APBB2: variants seen among roughly 807,000 people sequenced by gnomAD.
The protein encoded by APBB2 is Fe65-like 1.
Under a neutral mutation model 82.5 loss-of-function variants are expected in APBB2, and 38 were observed. The ratio of observed to expected loss-of-function variants is 0.46; its 90% CI spans 0.36 to 0.60. The LOEUF is 0.60. Ranked by LOEUF, APBB2 falls within the 20% of genes least tolerant of loss-of-function variation. The pLI, the probability that APBB2 is intolerant of heterozygous loss-of-function variation, is 0.00. For synonymous variants in APBB2, 341 were observed against 368.2 expected, an observed-to-expected ratio of 0.93 and a Z score of 0.85; for missense variants, 772 against 972.3, an observed-to-expected ratio of 0.79 and a Z score of 2.74.
intron 6 of APBB2, among the ~76,000 whole-genome samples, chr4:40,953,800 G>A (rs1790868918): frequency 6.6e-6 from 1 of 152,208 alleles, no homozygotes; most frequent in South Asian, 2.1e-4. Context: ...CAGGGGACAG[G>A]TCAAGAGTGG....
At chr4:40,938,858 G>A (rs907116759) in intron 7 of APBB2, among the ~76,000 whole-genome samples, 1 of 152,152 alleles carries the variant, frequency 6.6e-6, no homozygotes, top group Non-Finnish European at 1.5e-5. Context: ...TACAAAACTC[G>A]CATCGAAATT....
chr4:40,866,342 T>A lies in APBB2; in HGVS notation c.1529+24022A>T, dbSNP rs545300000. 7.9e-5 allele frequency among the ~76,000 whole-genome samples: 12 copies of A among 152,026 alleles called. No homozygotes were observed. In the South Asian group the frequency reaches 1.2e-3, roughly 16 times the overall value. On this transcript the variant is annotated intron_variant, in intron 12 of 17. Transcript: ENST00000508593. The stretch of plus-strand genomic sequence containing the variant: ...TTTACTTTCTTGGTGGTCACGAAAC[T>A]CCATGCTCAGGAGCTTACTGTTGAG...
At chr4:40,905,300 C>T (rs1003154406) in intron 10 of APBB2, among the ~76,000 whole-genome samples, 2 of 152,158 alleles carry the variant, frequency 1.3e-5, no homozygotes, top group Non-Finnish European at 2.9e-5. Context: ...AATACTAACC[C>T]CATCCCCTGC....
At position 41,186,082 on chromosome 4, in the gene APBB2, T is replaced by A. The variant is rs760985174; in HGVS notation, c.-417+28323A>T. ...ATGTCTTACACAGATGTACCCGAAA[T>A]ATTTTATAACCATAAATATGAATAA... On this transcript the variant is annotated intron_variant, in intron 1 of 17. Coordinates refer to ENST00000508593, the MANE Select transcript of APBB2 (RefSeq NM_004307.2). 1.7e-4 allele frequency among the ~76,000 whole-genome samples: 26 copies of A among 152,214 alleles called. 1 individual carries two copies. The highest frequency in any genetic ancestry group is 4.4e-5 in the Non-Finnish European group (3 of 68,034).
At chr4:40,840,847 C>T (rs1755556042) in intron 12 of APBB2, among the ~76,000 whole-genome samples, 1 of 152,106 alleles carries the variant, frequency 6.6e-6, no homozygotes, top group Admixed American at 6.5e-5. Context: ...TGCCTCCCAG[C>T]GAGGACACTC....
chr4:40,828,077 G>A (rs1486697520), intron 13 of APBB2, among the ~76,000 whole-genome samples: 1 of 152,096 alleles, frequency 6.6e-6, no homozygotes, highest in Non-Finnish European at 1.5e-5. Context: ...ATGATTGTGA[G>A]GCCTCACCAG....
chr4:41,014,643 A>G (rs116442324), intron 5 of APBB2, among the ~76,000 whole-genome samples: 5,361 of 152,344 alleles, frequency 0.035, 134 homozygotes, highest in Middle Eastern at 0.071. Context: ...CTGAGGACCT[A>G]AATTTTACTT....
intron 1 of APBB2, among the ~76,000 whole-genome samples, chr4:41,159,907 A>AGGAGG (rs1764418857): frequency 2.8e-5 from 1 of 35,620 alleles, no homozygotes; most frequent in Non-Finnish European, 4.9e-5. Context: ...GAAGAAGGAG[A>AGGAGG]AGGAGGAGGA....
chr4:40,995,129 G>A (rs1803288979), intron 6 of APBB2, among the ~76,000 whole-genome samples: 1 of 152,014 alleles, frequency 6.6e-6, no homozygotes. Flanking sequence ...CACCCCTTTG[G>A]CTGAAACCAT....
intron 10 of APBB2, among the ~76,000 whole-genome samples, chr4:40,919,222 A>G (rs1276973904): frequency 6.6e-6 from 1 of 152,214 alleles, no homozygotes; most frequent in East Asian, 1.9e-4. Context: ...AAATCTACAC[A>G]GGCACGCACA....
chr4:41,142,210 T>C (rs1260628482), intron 2 of APBB2, among the ~76,000 whole-genome samples: 1 of 152,190 alleles, frequency 6.6e-6, no homozygotes, highest in Non-Finnish European at 1.5e-5. Context: ...AAAGCTGACT[T>C]ACCCACTGAA....
At chr4:41,081,135 G>A (rs139955274) in intron 3 of APBB2, among the ~76,000 whole-genome samples, 1 of 152,256 alleles carries the variant, frequency 6.6e-6, no homozygotes, top group Non-Finnish European at 1.5e-5. Context: ...CTGTCCAAGT[G>A]AGTTACACTA....
intron 3 of APBB2, among the ~76,000 whole-genome samples, chr4:41,079,503 T>G (rs1736780384): frequency 6.6e-6 from 1 of 151,736 alleles, no homozygotes; most frequent in Admixed American, 6.6e-5. Context: ...CAGATAAAAC[T>G]GTTTGTGGAA....
At chr4:41,017,852 TC>T in intron 5 of APBB2, among the ~76,000 whole-genome samples, 1 of 152,306 alleles carries the variant, frequency 6.6e-6, no homozygotes, top group South Asian at 2.1e-4. Context: ...AAATATACAT[TC>T]CTCGGGTTTA....
At chr4:40,983,101 T>C (rs898413032) in intron 6 of APBB2, among the ~76,000 whole-genome samples, 1 of 152,244 alleles carries the variant, frequency 6.6e-6, no homozygotes, top group African/African-American at 2.4e-5. Context: ...GATGCTGTTC[T>C]AAGTACTTCA....
intron 6 of APBB2, among the ~76,000 whole-genome samples, chr4:41,011,559 T>C (rs1052256518): frequency 2.0e-5 from 3 of 152,184 alleles, no homozygotes; most frequent in East Asian, 1.9e-4. Context: ...GCCTCCCAGG[T>C]AGCTGGGACT....
intron 12 of APBB2, among the ~76,000 whole-genome samples, chr4:40,858,838 A>G (rs571955237): frequency 6.6e-6 from 1 of 152,322 alleles, no homozygotes; most frequent in East Asian, 1.9e-4. Context: ...TAACACTTCA[A>G]TTATTTGGAA....
chr4:41,027,043 T>C (rs1325656011), intron 5 of APBB2, among the ~76,000 whole-genome samples: 1 of 152,216 alleles, frequency 6.6e-6, no homozygotes, highest in African/African-American at 2.4e-5. Context: ...CCTACCTAGA[T>C]CCTGTTTTGT....
intron 12 of APBB2, among the ~76,000 whole-genome samples, chr4:40,857,488 T>C (rs939809669): frequency 6.6e-6 from 1 of 151,680 alleles, no homozygotes; most frequent in Admixed American, 6.5e-5. Context: ...CTTTTCTTCT[T>C]GAGACAGAGT....
Sources: allele counts gnomAD v4.1 joint callset (sites outside exome capture counted in the v4.1 genomes callset), GRCh38; gene constraint gnomAD v4.1.1; transcripts MANE v1.5; gene names NCBI Gene and HGNC (gene_info 2026-07-23, HGNC 2026-07-21).